Variants in RTN4IP1 observed in about 807,000 individuals in gnomAD.
RTN4IP1 encodes reticulon 4 interacting protein 1.
RTN4IP1 carries 32 observed loss-of-function variants against 46.6 expected under a neutral mutation model. The ratio of observed to expected loss-of-function variants is 0.69; its 90% CI spans 0.52 to 0.92. The LOEUF (loss-of-function observed/expected upper bound fraction) is 0.92. Ranked by LOEUF, RTN4IP1 falls within the 40% of genes least tolerant of loss-of-function variation. The pLI is 0.00. For missense variants in RTN4IP1, 424 were observed against 485.8 expected (o/e 0.87, Z 1.20); for synonymous variants, 167 against 161.8 (o/e 1.03, Z -0.24).
chr6:106,583,663 T>A (rs775595247), intron 7 of RTN4IP1: 42 of 409,216 alleles, frequency 1.0e-4, no homozygotes, highest in Non-Finnish European at 1.7e-4. Flanking sequence ...CTCTAAACTG[T>A]AACTGAAGAA....
intron 6 of RTN4IP1, among the ~76,000 whole-genome samples, chr6:106,591,356 A>G (rs1374389391): frequency 6.6e-6 from 1 of 152,172 alleles, no homozygotes; most frequent in African/African-American, 2.4e-5. Context: ...GTGCACCACC[A>G]AACTACTGCT....
rs151079372 is a variant in RTN4IP1 at position 106,623,424 on chromosome 6, T to C, written c.275-455A>G. On this transcript the variant is annotated intron_variant, in intron 1 of 8. Coordinates refer to ENST00000369063, the MANE Select transcript of RTN4IP1 (RefSeq NM_032730.5). The stretch of plus-strand genomic sequence containing the variant: ...GGAAGAGGAAGAGGATCAAGAAAAA[T>C]AACTAGTGGGTATGAGACTTAATAC... 7.9e-5 allele frequency among the ~76,000 whole-genome samples: 12 copies of C among 152,134 alleles called. No homozygotes were observed. The East Asian group carries it at 2.3e-3, about 29-fold the overall frequency.
chr6:106,622,916 T>C lies in RTN4IP1; in HGVS notation c.328A>G (p.Ile110Val). The change falls in exon 2 of 9, where the codon ATC becomes GTC. Residue 110 changes from isoleucine to valine, a missense_variant. Physicochemically the swap from Ile to Val is conservative, Grantham distance 29. Transcript: ENST00000369063. ...NMKRDPLHVK[I>V]KGEEFPLTLG... ...GTCAGAGGAAATTCTTCTCCTTTGA[T>C]TTTCACGTGTAAAGGATCACGCTTC... 6.2e-7 allele frequency: 1 copy of C among 1,614,134 alleles called. No homozygotes were observed. Among genetic ancestry groups the C allele is most frequent in the Non-Finnish European group, 8.5e-7 (1 of 1,179,982 alleles).
chr6:106,597,454 C>T (rs1203247558), intron 5 of RTN4IP1, among the ~76,000 whole-genome samples: 1 of 152,188 alleles, frequency 6.6e-6, no homozygotes, highest in Admixed American at 6.5e-5. Context: ...AAGTGATCCT[C>T]ACACCTCAGC....
chr6:106,595,644 C>T (rs1775772383), intron 5 of RTN4IP1, among the ~76,000 whole-genome samples: 1 of 151,888 alleles, frequency 6.6e-6, no homozygotes. Context: ...ATTACAGGTG[C>T]CCACCACCAC....
At chr6:106,594,384 C>T (rs527312119) in intron 5 of RTN4IP1, among the ~76,000 whole-genome samples, 1 of 152,186 alleles carries the variant, frequency 6.6e-6, no homozygotes, top group East Asian at 1.9e-4. Context: ...TGATGCATGC[C>T]TGTGGTCCCA....
intron 8 of RTN4IP1, among the ~76,000 whole-genome samples, chr6:106,582,082 A>G (rs982867134): frequency 2.0e-5 from 3 of 152,244 alleles, no homozygotes; most frequent in Non-Finnish European, 2.9e-5. Context: ...TTAGAAGTCC[A>G]TGAAAAGACA....
At chr6:106,629,710 G>A, upstream of RTN4IP1, 1 of 1,605,734 alleles carries the variant, frequency 6.2e-7, no homozygotes, top group Non-Finnish European at 8.5e-7. Flanking sequence ...CGAGAAGTGA[G>A]TGGAATTGGC....
chr6:106,576,417 G>A (rs1775229020), intron 8 of RTN4IP1, among the ~76,000 whole-genome samples: 1 of 152,196 alleles, frequency 6.6e-6, no homozygotes, highest in Non-Finnish European at 1.5e-5. Flanking sequence ...AGTAGCATCA[G>A]AAAAACCTCA....
intron 5 of RTN4IP1, among the ~76,000 whole-genome samples, chr6:106,594,892 C>T (rs1200362137): frequency 1.3e-5 from 2 of 152,074 alleles, no homozygotes; most frequent in African/African-American, 4.8e-5. Context: ...CCTCCACCTC[C>T]CAGGTTCAGG....
upstream of RTN4IP1, chr6:106,629,723 G>A (rs374070818): frequency 1.8e-5 from 29 of 1,600,878 alleles, no homozygotes; most frequent in Non-Finnish European, 2.3e-5. Context: ...GAATTGGCCC[G>A]CTGAGGCCCC....
Position 106,570,837 on chromosome 6 carries a change from A to G in RTN4IP1, c.*1159T>C, listed in dbSNP as rs1775037798. On this transcript the variant is annotated 3_prime_UTR_variant, in exon 9 of 9. Coordinates refer to ENST00000369063, the MANE Select transcript of RTN4IP1 (RefSeq NM_032730.5). ...AAAGCCTACATCTAACATACATGCT[A>G]CCAAACGAGTGTCTAACAGGAATAA... 1 of 152,190 alleles carries G rather than the reference A, an allele frequency of 6.6e-6. No homozygotes were observed. Among genetic ancestry groups the G allele is most frequent in the African/African-American group, 2.4e-5 (1 of 41,460 alleles). 9.4% of individuals were successfully genotyped at this position (152,190 alleles called of 1,614,324 possible). A position where few individuals can be genotyped will look rare whatever the true frequency, so the allele number is the denominator to read the frequency against.
intron 5 of RTN4IP1, 88 bp downstream of exon 5, chr6:106,602,786 T>C: frequency 2.3e-6 from 2 of 888,448 alleles, no homozygotes; most frequent in East Asian, 2.7e-5. Context: ...TACCTTTCTC[T>C]CAGCTTTTAA....
chr6:106,600,046 AATG>A (rs1775903103), intron 5 of RTN4IP1, among the ~76,000 whole-genome samples: 2 of 152,064 alleles, frequency 1.3e-5, no homozygotes, highest in Non-Finnish European at 2.9e-5. Context: ...CTGATTATCA[AATG>A]ATGAGTTAAA....
At chr6:106,579,918 T>C (rs964474603) in intron 8 of RTN4IP1, among the ~76,000 whole-genome samples, 6 of 151,736 alleles carry the variant, frequency 4.0e-5, no homozygotes, top group African/African-American at 1.5e-4. Flanking sequence ...CCAGCTCAGA[T>C]ATTAAGATAG....
chr6:106,606,870 T>C (rs181284523), intron 4 of RTN4IP1, among the ~76,000 whole-genome samples: 4 of 152,120 alleles, frequency 2.6e-5, no homozygotes, highest in Admixed American at 2.6e-4. Context: ...TATCAAAATA[T>C]CAATGACATT....
chr6:106,586,463 C>T (rs1775486666), intron 7 of RTN4IP1, among the ~76,000 whole-genome samples: 1 of 152,000 alleles, frequency 6.6e-6, no homozygotes, highest in Non-Finnish European at 1.5e-5. Context: ...CCTCTGTCTC[C>T]CAGACTCAAA....
intron 1 of RTN4IP1, among the ~76,000 whole-genome samples, chr6:106,623,342 A>C (rs1776537072): frequency 6.6e-6 from 1 of 152,216 alleles, no homozygotes; most frequent in East Asian, 1.9e-4. Flanking sequence ...TGATGAGAAC[A>C]CATGGACACA....
intron 1 of RTN4IP1, among the ~76,000 whole-genome samples, 177 bp downstream of exon 1, chr6:106,628,571 A>G (rs757710561): frequency 7.9e-5 from 12 of 152,184 alleles, no homozygotes; most frequent in Non-Finnish European, 1.8e-4. Context: ...ACAAATGGCC[A>G]GAAGGATTCC....
Sources: gnomAD v4.1 joint callset for allele counts (sites outside exome capture counted in the v4.1 genomes callset) on GRCh38, gnomAD v4.1.1 for gene constraint, MANE v1.5 for transcripts, NCBI Gene and HGNC (gene_info 2026-07-23, HGNC 2026-07-21) for gene names.